The following RAD54L2 variants were observed in gnomAD, a reference collection of about 807,000 sequenced individuals.
RAD54L2 encodes RAD54 like 2.
RAD54L2 carries 27 observed loss-of-function variants against 138.4 expected under a neutral mutation model. The observed-to-expected ratio is 0.20, with a 90% CI of 0.14 to 0.27. The LOEUF is 0.27. RAD54L2 is among the 10% of genes least tolerant of loss of function. The probability of loss-of-function intolerance (pLI) is 1.00; values close to 1 mark genes in which losing one functional copy is unlikely to be tolerated. For missense variants in RAD54L2, 1,396 were observed against 1,890.2 expected, an observed-to-expected ratio of 0.74 and a Z score of 4.85; for synonymous variants, 644 against 723.2, an observed-to-expected ratio of 0.89 and a Z score of 1.76.
rs980496206 is a variant in RAD54L2, at chr3:51,630,664, A to G, written c.599-41A>G. On this transcript the variant is annotated intron_variant, in intron 6 of 22. Transcript: ENST00000684192. ...TGACTGTGTGCAGTAAATTATCTTC[A>G]CTCCCTGGATTTTTGGTTTTGCTTT... The G allele has an allele frequency of 2.0e-6, 3 of 1,510,766 alleles. No homozygotes were observed. The African/African-American group carries it at 4.1e-5, about 21-fold the overall frequency. 93.6% of individuals were successfully genotyped at this position (1,510,766 alleles called of 1,614,324 possible). A position where few individuals can be genotyped will look rare whatever the true frequency, so the allele number is the denominator to read the frequency against.
chr3:51,604,277 T>G (rs1293539065), intron 3 of RAD54L2, among the ~76,000 whole-genome samples: 2 of 152,302 alleles, frequency 1.3e-5, no homozygotes, highest in African/African-American at 4.8e-5. Flanking sequence ...TTTAGGTTTG[T>G]AATCCATCTG....
chr3:51,653,495 G>A (rs530758642), intron 19 of RAD54L2, among the ~76,000 whole-genome samples: 8 of 152,190 alleles, frequency 5.3e-5, no homozygotes, highest in African/African-American at 1.2e-4. Context: ...TGTTTATTGC[G>A]GCACTATTCA....
chr3:51,544,076 T>G (rs1462170965), intron 2 of RAD54L2, among the ~76,000 whole-genome samples: 4 of 152,228 alleles, frequency 2.6e-5, no homozygotes, highest in African/African-American at 9.6e-5. Context: ...GGTGTTTTTT[T>G]TGTGTTTCCC....
Position 51,627,590 on chromosome 3 carries a change from C to A in RAD54L2, c.177C>A (p.Ala59=). The change falls in exon 4 of 23, where the codon GCC becomes GCA. Residue 59 remains alanine, a synonymous_variant. Coordinates refer to ENST00000684192, the MANE Select transcript of RAD54L2 (RefSeq NM_015106.4). The part of the protein sequence containing the change: ...SLEGMCGTEH[A]QLGEDGQQPP... ...AAGGCATGTGTGGCACTGAGCATGC[C>A]CAGTTGGGAGAAGATGGGCAGCAGC... 1 of 1,555,742 alleles carries A rather than the reference C, an allele frequency of 6.4e-7. No homozygotes were observed. Among genetic ancestry groups the A allele is most frequent in the Non-Finnish European group, 8.7e-7 (1 of 1,149,934 alleles).
rs369772284 is a variant in RAD54L2 at position 51,554,798 on chromosome 3, G to T, written c.-55+13148G>T. ...CTTCATCTACATAATAAGAACCTTGGTCTCCACCATCCCTTCTCTTAACTC... is the reference window on the plus strand; with the variant it reads ...CTTCATCTACATAATAAGAACCTTGTTCTCCACCATCCCTTCTCTTAACTC... On this transcript the variant is annotated intron_variant, in intron 2 of 22. Coordinates refer to ENST00000684192, the MANE Select transcript of RAD54L2 (RefSeq NM_015106.4). 3.4e-4 allele frequency among the ~76,000 whole-genome samples: 51 copies of T among 152,056 alleles called. 2 individuals carry two copies. The South Asian group carries it at 0.011, about 32-fold the overall frequency.
At chr3:51,631,957 A>G (rs1397826786) in intron 7 of RAD54L2, among the ~76,000 whole-genome samples, 1 of 152,050 alleles carries the variant, frequency 6.6e-6, no homozygotes, top group Non-Finnish European at 1.5e-5. Context: ...TTTTGTACCC[A>G]TTAACCAACG....
chr3:51,580,614 G>C (rs2106687398), intron 2 of RAD54L2, among the ~76,000 whole-genome samples: 1 of 152,252 alleles, frequency 6.6e-6, no homozygotes, highest in Middle Eastern at 3.4e-3. Flanking sequence ...ATCAAAAGGG[G>C]CTGATTATAA....
intron 3 of RAD54L2, among the ~76,000 whole-genome samples, chr3:51,613,342 A>G (rs374939680): frequency 3.5e-4 from 53 of 152,274 alleles, no homozygotes; most frequent in African/African-American, 1.3e-3. Flanking sequence ...AGACGTTCCC[A>G]CTTTGTGGCT....
At chr3:51,587,091 A>G (rs1159076195) in intron 2 of RAD54L2, among the ~76,000 whole-genome samples, 1 of 151,452 alleles carries the variant, frequency 6.6e-6, no homozygotes, top group African/African-American at 2.4e-5. Flanking sequence ...GACACAGGGT[A>G]GTGATTTCTT....
At chr3:51,652,728 G>A (rs1451083878) in intron 19 of RAD54L2, among the ~76,000 whole-genome samples, 13 of 152,184 alleles carry the variant, frequency 8.5e-5, no homozygotes, top group Non-Finnish European at 1.9e-4. Context: ...CTAGCCATAT[G>A]TAGAAAGCTG....
At chr3:51,650,111 G>GT (rs1338139494) in intron 19 of RAD54L2, among the ~76,000 whole-genome samples, 1 of 151,784 alleles carries the variant, frequency 6.6e-6, no homozygotes, top group Non-Finnish European at 1.5e-5. Flanking sequence ...CAAATGGAAA[G>GT]TAAAAAAAAG....
intron 2 of RAD54L2, among the ~76,000 whole-genome samples, chr3:51,551,246 C>G (rs991661098): frequency 5.3e-5 from 8 of 152,038 alleles, no homozygotes; most frequent in African/African-American, 1.9e-4. Context: ...AGTCCACCTG[C>G]CTCAGTCTCC....
intron 19 of RAD54L2, among the ~76,000 whole-genome samples, chr3:51,653,080 C>T (rs1228916774): frequency 6.6e-6 from 1 of 152,064 alleles, no homozygotes; most frequent in Non-Finnish European, 1.5e-5. Flanking sequence ...AACAAATTTA[C>T]AAGAAAAAAT....
At chr3:51,608,158 C>T (rs1158117481) in intron 3 of RAD54L2, among the ~76,000 whole-genome samples, 3 of 151,514 alleles carry the variant, frequency 2.0e-5, no homozygotes, top group Non-Finnish European at 2.9e-5. Flanking sequence ...GAGGTGGCGG[C>T]GGGGCAGAGA....
At position 51,663,165 on chromosome 3, in the gene RAD54L2, A is replaced by C. The variant is rs939278386; in HGVS notation, c.4149A>C (p.Ser1383=). 2 of 1,612,536 alleles carry C rather than the reference A, an allele frequency of 1.2e-6. No homozygotes were observed. Among genetic ancestry groups the C allele is most frequent in the Non-Finnish European group, 8.5e-7 (1 of 1,179,580 alleles). ...PSVPGILPSY[S]LPFSQPLLSE... is the part of the protein sequence containing the mutation. Reference sequence around the variant, plus strand: ...TGCCAGGGATACTACCCAGCTATTCACTCCCATTCTCACAGCCACTCCTGT... The same window carrying C: ...TGCCAGGGATACTACCCAGCTATTCCCTCCCATTCTCACAGCCACTCCTGT... Residue 1383 remains serine (S), a synonymous_variant, in exon 23 of 23, where the codon TCA becomes TCC. Transcript: ENST00000684192.
intron 3 of RAD54L2, among the ~76,000 whole-genome samples, chr3:51,592,072 T>G (rs1041425418): frequency 2.2e-5 from 3 of 135,288 alleles, no homozygotes; most frequent in Non-Finnish European, 3.1e-5. Flanking sequence ...TTTTTTTTTT[T>G]TTTTTTTTTT....
chr3:51,612,404 G>A (rs1221484268), intron 3 of RAD54L2, among the ~76,000 whole-genome samples: 3 of 152,178 alleles, frequency 2.0e-5, no homozygotes, highest in Non-Finnish European at 4.4e-5. Flanking sequence ...GGAGGTTGTG[G>A]TGAGCTGAGA....
At chr3:51,650,157 T>C (rs1235139743) in intron 19 of RAD54L2, among the ~76,000 whole-genome samples, 2 of 152,100 alleles carry the variant, frequency 1.3e-5, no homozygotes, top group Non-Finnish European at 2.9e-5. Flanking sequence ...TAAAATAGAC[T>C]TCAAACCATC....
At chr3:51,550,352 A>G (rs1698805230) in intron 2 of RAD54L2, among the ~76,000 whole-genome samples, 1 of 152,198 alleles carries the variant, frequency 6.6e-6, no homozygotes, top group African/African-American at 2.4e-5. Context: ...GCTCTTAGAA[A>G]GTCCTTGACC....
Sources: allele counts gnomAD v4.1 joint callset (sites outside exome capture counted in the v4.1 genomes callset), GRCh38; gene constraint gnomAD v4.1.1; transcripts MANE v1.5; gene names NCBI Gene and HGNC (gene_info 2026-07-23, HGNC 2026-07-21).